ABI3BP: variants seen among roughly 807,000 people sequenced by gnomAD.
ABI3BP encodes ABI family member 3 binding protein, also known as target of Nesh-SH3.
In ABI3BP, 216 loss-of-function variants were observed where a neutral mutation model predicts 268.6. That is an observed-to-expected ratio of 0.80 (90% confidence interval 0.72 to 0.90). ABI3BP has a LOEUF of 0.90. ABI3BP is among the 40% of genes least tolerant of loss of function. The pLI, the probability that ABI3BP is intolerant of heterozygous loss-of-function variation, is 0.00. For missense variants in ABI3BP, 2,090 were observed against 2,182.4 expected (o/e 0.96, Z 0.84); for synonymous variants, 730 against 730.0 (o/e 1.00, Z 0.00).
chr3:100,878,009 A>C (rs1309980789), intron 6 of ABI3BP, among the ~76,000 whole-genome samples: 1 of 152,212 alleles, frequency 6.6e-6, no homozygotes, highest in Non-Finnish European at 1.5e-5. Flanking sequence ...CACAACGAAT[A>C]AAAGTTTACT....
At chr3:100,865,944 G>C (rs2099047180) in intron 10 of ABI3BP, among the ~76,000 whole-genome samples, 1 of 152,136 alleles carries the variant, frequency 6.6e-6, no homozygotes, top group African/African-American at 2.4e-5. Flanking sequence ...TCCCATGAAG[G>C]TGGGGATGAA....
intron 52 of ABI3BP, 90 bp downstream of exon 52, chr3:100,796,319 T>A: frequency 9.6e-7 from 1 of 1,039,514 alleles, no homozygotes; most frequent in Non-Finnish European, 1.4e-6. Context: ...ATTTCTTCCA[T>A]ATCACAACCA....
At chr3:100,758,239 T>G (rs1438738075) in intron 63 of ABI3BP, among the ~76,000 whole-genome samples, 3 of 152,208 alleles carry the variant, frequency 2.0e-5, no homozygotes, top group Non-Finnish European at 1.5e-5. Context: ...TAACTTAACC[T>G]CTCTGAGCTT....
chr3:100,911,649 A>G (rs896257074), intron 2 of ABI3BP: 7 of 722,052 alleles, frequency 9.7e-6, no homozygotes, highest in Admixed American at 4.0e-5. Context: ...GGAACCTGAT[A>G]CAGTTTTATA....
intron 30 of ABI3BP, 28 bp downstream of exon 30, chr3:100,833,097 C>G: frequency 3.9e-6 from 6 of 1,528,056 alleles, no homozygotes; most frequent in Non-Finnish European, 5.3e-6. Flanking sequence ...AGAAAAAGGA[C>G]TTGCTGAAGG....
intron 41 of ABI3BP, 151 bp downstream of exon 41, chr3:100,818,374 G>T: frequency 1.4e-6 from 1 of 711,234 alleles, no homozygotes; most frequent in Non-Finnish European, 2.3e-6. Context: ...CTGATAATGT[G>T]ACACAGAGCC....
At chr3:100,969,649 C>A (rs2082707683) in intron 1 of ABI3BP, among the ~76,000 whole-genome samples, 1 of 152,038 alleles carries the variant, frequency 6.6e-6, no homozygotes, top group Non-Finnish European at 1.5e-5. Flanking sequence ...TAGCTCTAAA[C>A]AGATGGAAAA....
At chr3:100,921,998 C>G (rs1040384603) in intron 2 of ABI3BP, among the ~76,000 whole-genome samples, 1 of 152,224 alleles carries the variant, frequency 6.6e-6, no homozygotes, top group African/African-American at 2.4e-5. Flanking sequence ...TGCTTCGCAA[C>G]TGAGGGTAAT....
At chr3:100,872,073 G>A (rs2099115526) in intron 9 of ABI3BP, among the ~76,000 whole-genome samples, 2 of 152,098 alleles carry the variant, frequency 1.3e-5, no homozygotes, top group Admixed American at 1.3e-4. Flanking sequence ...TGCATTGCTA[G>A]TCTCAAACGA....
Position 100,813,718 on chromosome 3 carries a change from T to C in ABI3BP, c.3307A>G (p.Thr1103Ala), listed in dbSNP as rs757382058. The C allele has an allele frequency of 6.5e-7, 1 of 1,535,300 alleles. No individual in the cohort carries two copies. Among genetic ancestry groups the C allele is most frequent in the Non-Finnish European group, 8.7e-7 (1 of 1,146,378 alleles). ...GATGTCACTGGTTTCAAAATAAGAG[T>C]TTGCAGTTCAGTCAGAGCTGAAAGA... ...GTTFALTELQ[T>A]LILKPVTSPS... Residue 1103 changes from threonine (T) to alanine (A), a missense_variant, in exon 45 of 68, where the codon ACT becomes GCT. Thr to Ala is a moderately conservative substitution (Grantham distance 58). Transcript: ENST00000471714.
intron 2 of ABI3BP, among the ~76,000 whole-genome samples, chr3:100,922,523 C>CGATGGTGATGGT (rs74793509): frequency 0.25 from 37,319 of 148,366 alleles, 5,610 homozygotes; most frequent in Non-Finnish European, 0.34. Context: ...TGATGTGATG[C>CGATGGTGATGGT]GATGGTGATG....
chr3:100,834,488 C>A (rs62274058), intron 29 of ABI3BP, among the ~76,000 whole-genome samples, 196 bp downstream of exon 29: 1 of 152,066 alleles, frequency 6.6e-6, no homozygotes, highest in South Asian at 2.1e-4. Context: ...AATTCCCAGG[C>A]ACCAAGGAGG....
chr3:100,984,014 T>C (rs1488846625), intron 1 of ABI3BP, among the ~76,000 whole-genome samples: 2 of 152,206 alleles, frequency 1.3e-5, no homozygotes, highest in African/African-American at 2.4e-5. Context: ...AAAAACGTAC[T>C]TGCAACCTTT....
chr3:100,783,301 G>A (rs190349520), intron 57 of ABI3BP, among the ~76,000 whole-genome samples: 32 of 152,310 alleles, frequency 2.1e-4, no homozygotes, highest in Admixed American at 7.8e-4. Flanking sequence ...CTGGATTATC[G>A]TGCAGCACAC....
intron 9 of ABI3BP, among the ~76,000 whole-genome samples, chr3:100,872,247 T>C (rs1413146086): frequency 6.6e-6 from 1 of 152,236 alleles, no homozygotes; most frequent in East Asian, 1.9e-4. Flanking sequence ...TTTGCATTTA[T>C]TTTTTCTTTA....
chr3:100,942,395 G>A (rs1266426955), intron 1 of ABI3BP, among the ~76,000 whole-genome samples: 2 of 152,170 alleles, frequency 1.3e-5, no homozygotes, highest in East Asian at 1.9e-4. Flanking sequence ...AAAGCAGGTA[G>A]GGAAGAAAGG....
At chr3:100,790,059 A>G (rs1013207524) in intron 55 of ABI3BP, among the ~76,000 whole-genome samples, 7 of 152,022 alleles carry the variant, frequency 4.6e-5, no homozygotes, top group African/African-American at 1.7e-4. Context: ...TGTCATCCAT[A>G]ATGCTGTAGA....
At chr3:100,895,683 C>T (rs140076771) in intron 4 of ABI3BP, among the ~76,000 whole-genome samples, 221 of 152,300 alleles carry the variant, frequency 1.5e-3, no homozygotes, top group African/African-American at 4.9e-3. Context: ...TGAAGTAAAA[C>T]TTTAGCTGTA....
intron 63 of ABI3BP, among the ~76,000 whole-genome samples, chr3:100,763,487 A>T (rs1327675657): frequency 6.6e-6 from 1 of 151,968 alleles, no homozygotes; most frequent in Non-Finnish European, 1.5e-5. Context: ...AGAAAAAAGA[A>T]AAAATCTAGA....
Sources: allele counts gnomAD v4.1 joint callset (sites outside exome capture counted in the v4.1 genomes callset), GRCh38; gene constraint gnomAD v4.1.1; transcripts MANE v1.5; gene names NCBI Gene and HGNC (gene_info 2026-07-23, HGNC 2026-07-21).